Variants in LSM5 observed in about 807,000 individuals in gnomAD.
LSM5 encodes U6 snRNA-associated Sm-like protein LSm5.
LSM5 carries 8 observed loss-of-function variants against 13.8 expected under a neutral mutation model. The ratio of observed to expected loss-of-function variants is 0.58; its 90% CI spans 0.34 to 1.04. LSM5 has a LOEUF of 1.04. Among genes scored for constraint, LSM5 ranks in the 50% least tolerant of loss-of-function variants. The pLI is 0.03. For missense variants in LSM5, 80 were observed against 108.1 expected, an observed-to-expected ratio of 0.74 and a Z score of 1.15; for synonymous variants, 35 against 37.0, an observed-to-expected ratio of 0.95 and a Z score of 0.20.
At position 32,485,504 on chromosome 7, in the gene LSM5, C is replaced by T. The variant is rs1405136669; in HGVS notation, c.*1757G>A. The stretch of plus-strand genomic sequence containing the variant: ...AACTAGGGAAATTATTAGCAAAATA[C>T]ATGACTAACAGAAACCCATCAAGAA... On this transcript the variant is annotated 3_prime_UTR_variant, in exon 5 of 5. Coordinates refer to ENST00000450169, the MANE Select transcript of LSM5 (RefSeq NM_012322.3). 1 of 152,186 alleles carries T rather than the reference C, an allele frequency of 6.6e-6. No homozygotes were observed. The highest frequency in any genetic ancestry group is 1.5e-5 in the Non-Finnish European group (1 of 68,030). 9.4% of individuals were successfully genotyped at this position (152,186 alleles called of 1,614,324 possible). A position where few individuals can be genotyped will look rare whatever the true frequency, so the allele number is the denominator to read the frequency against.
At chr7:32,493,638 G>A (rs969004696), upstream of LSM5, among the ~76,000 whole-genome samples, 4 of 152,020 alleles carry the variant, frequency 2.6e-5, no homozygotes, top group South Asian at 2.1e-4. Flanking sequence ...TCCACCTCCC[G>A]GGTTAGGGTG....
At chr7:32,494,591 T>G (rs10241303), upstream of LSM5, among the ~76,000 whole-genome samples, 19,573 of 152,242 alleles carry the variant, frequency 0.13, 1,313 homozygotes, top group East Asian at 0.19. Flanking sequence ...TTAGGTTATT[T>G]GAAAACTGTC....
At chr7:32,493,819 G>A (rs566354980), upstream of LSM5, among the ~76,000 whole-genome samples, 114 of 151,176 alleles carry the variant, frequency 7.5e-4, no homozygotes, top group African/African-American at 2.7e-3. Context: ...GGGATTACCA[G>A]CATGAGCCAC....
rs1218653049 is a variant in LSM5 at position 32,489,322 on chromosome 7, T to C, written c.69A>G (p.Gly23=). ...LPLELVDKCI[G]SRIHIVMKSD... is the part of the protein sequence containing the mutation. Reference sequence around the variant, plus strand: ...TCTTCATCACGATGTGAATTCTTGATCCTATACATTTGTCCACAAGCTCTG... The same window carrying C: ...TCTTCATCACGATGTGAATTCTTGACCCTATACATTTGTCCACAAGCTCTG... Residue 23 remains glycine, a synonymous_variant, in exon 2 of 5, where the codon GGA becomes GGG. Transcript: ENST00000450169. 1 of 1,602,198 alleles carries C rather than the reference T, an allele frequency of 6.2e-7. No individual in the cohort carries two copies. Among genetic ancestry groups the C allele is most frequent in the Non-Finnish European group, 8.5e-7 (1 of 1,172,086 alleles).
At chr7:32,489,439 CCAGGAAAAA>C in intron 1 of LSM5, 95 bp from the exon 2 acceptor site, 1 of 715,722 alleles carries the variant, frequency 1.4e-6, no homozygotes. Flanking sequence ...GAAAGAAAAA[CCAGGAAAAA>C]CATTCATTCA....
At chr7:32,489,057 G>A (rs2128106010) in intron 2 of LSM5, among the ~76,000 whole-genome samples, 192 bp downstream of exon 2, 1 of 152,310 alleles carries the variant, frequency 6.6e-6, no homozygotes, top group Admixed American at 6.5e-5. Flanking sequence ...TAATACAATG[G>A]CTCAAATTCA....
At position 32,490,354 on chromosome 7, in the gene LSM5, G is replaced by A; in HGVS notation, c.12C>T (p.Asn4=). The A allele has an allele frequency of 6.2e-7, 1 of 1,613,974 alleles. No individual in the cohort carries two copies. The highest frequency in any genetic ancestry group is 8.5e-7 in the Non-Finnish European group (1 of 1,179,830). MAA[N]ATTNPSQLLP... The stretch of plus-strand genomic sequence containing the variant: ...GCAGCTGCGACGGGTTGGTAGTAGC[G>A]TTAGCCGCCATGGCTACGCCGGAAG... Residue 4 remains asparagine, a synonymous_variant, in exon 1 of 5, where the codon AAC becomes AAT. Transcript: ENST00000450169.
intron 1 of LSM5, chr7:32,490,087 A>G: frequency 6.6e-7 from 1 of 1,505,946 alleles, no homozygotes; most frequent in South Asian, 1.2e-5. Flanking sequence ...CTAAATGTGG[A>G]CCTTTTCCAG....
At chr7:32,491,397 CAAA>C (rs11393390), upstream of LSM5, among the ~76,000 whole-genome samples, 5 of 97,932 alleles carry the variant, frequency 5.1e-5, no homozygotes, top group African/African-American at 8.4e-5. Context: ...AACTCCATCT[CAAA>C]AAAAAAAAAA....
At chr7:32,492,701 C>T (rs1281127137), upstream of LSM5, among the ~76,000 whole-genome samples, 2 of 152,122 alleles carry the variant, frequency 1.3e-5, no homozygotes, top group Non-Finnish European at 2.9e-5. Flanking sequence ...TGAGGCAAGA[C>T]ACAAAAAGGA....
upstream of LSM5, among the ~76,000 whole-genome samples, chr7:32,491,963 AT>A (rs1786605364): frequency 6.6e-6 from 1 of 152,182 alleles, no homozygotes; most frequent in South Asian, 2.1e-4. Flanking sequence ...CCTAATGAAT[AT>A]TCTTTAAATT....
intron 3 of LSM5, 109 bp from the exon 4 acceptor site, chr7:32,487,866 G>C: frequency 1.6e-6 from 1 of 639,806 alleles, no homozygotes; most frequent in Non-Finnish European, 2.8e-6. Context: ...AAATTACACT[G>C]AGGTTGAGCA....
Position 32,487,190 on chromosome 7 carries a change from T to A in LSM5, c.*71A>T. 2 of 1,376,054 alleles carry A rather than the reference T, an allele frequency of 1.5e-6. No individual in the cohort carries two copies. 85.2% of individuals were successfully genotyped at this position (1,376,054 alleles called of 1,614,324 possible). A position where few individuals can be genotyped will look rare whatever the true frequency, so the allele number is the denominator to read the frequency against. ...TTTATGGGATTTAAACATTAGAAAG[T>A]GGGAAAAAAAATTCCATTTTCTTGT... On this transcript the variant is annotated 3_prime_UTR_variant, in exon 5 of 5. Transcript: ENST00000450169.
intron 2 of LSM5, 69 bp from the exon 3 acceptor site, chr7:32,488,721 TTTTG>T: frequency 1.9e-6 from 2 of 1,035,066 alleles, no homozygotes; most frequent in Admixed American, 1.8e-5. Flanking sequence ...AGCTTTTGTT[TTTTG>T]TTTTTGTTTT....
At chr7:32,492,559 C>T (rs1220492385), upstream of LSM5, among the ~76,000 whole-genome samples, 1 of 151,936 alleles carries the variant, frequency 6.6e-6, no homozygotes, top group African/African-American at 2.4e-5. Context: ...TAAACATTAG[C>T]AATTTTGAAT....
rs753301172 is a variant in LSM5 at position 32,490,371 on chromosome 7, C to G, written c.-6G>C. On this transcript the variant is annotated 5_prime_UTR_variant, in exon 1 of 5. Transcript: ENST00000450169. ...GTAGTAGCGTTAGCCGCCATGGCTACGCCGGAAGTGGCCTGCCTTCATTGA... is the reference window on the plus strand; with the variant it reads ...GTAGTAGCGTTAGCCGCCATGGCTAGGCCGGAAGTGGCCTGCCTTCATTGA... 4 of 1,611,572 alleles carry G rather than the reference C, an allele frequency of 2.5e-6. No homozygotes were observed. The highest frequency in any genetic ancestry group is 3.4e-6 in the Non-Finnish European group (4 of 1,177,740).
intron 1 of LSM5, chr7:32,489,918 A>G: frequency 1.6e-6 from 1 of 641,028 alleles, no homozygotes; most frequent in Non-Finnish European, 2.3e-6. Flanking sequence ...TCCTCATTTA[A>G]GGCTCATTCC....
chr7:32,490,288 C>T (rs912716510), intron 1 of LSM5, 32 bp downstream of exon 1: 2 of 1,614,214 alleles, frequency 1.2e-6, no homozygotes, highest in Non-Finnish European at 1.7e-6. Flanking sequence ...ATGTCAGCTC[C>T]CTGTTCCTGC....
chr7:32,491,951 CG>C (rs1786604911), upstream of LSM5, among the ~76,000 whole-genome samples: 2 of 9,140 alleles, frequency 2.2e-4, no homozygotes, highest in East Asian at 0.012. Context: ...CACTGTAGGG[CG>C]CCTAATGAAT....
Sources: gnomAD v4.1 joint callset for allele counts (sites outside exome capture counted in the v4.1 genomes callset) on GRCh38, gnomAD v4.1.1 for gene constraint, MANE v1.5 for transcripts, NCBI Gene and HGNC (gene_info 2026-07-23, HGNC 2026-07-21) for gene names.